Variants in CPQ observed in about 807,000 individuals in gnomAD.
CPQ encodes the protein carboxypeptidase Q.
Under a neutral mutation model 45.7 loss-of-function variants are expected in CPQ, and 37 were observed. The observed-to-expected ratio is 0.81, with a 90% confidence interval of 0.62 to 1.07. CPQ has a LOEUF of 1.07. CPQ is among the 50% of genes least tolerant of loss of function. The pLI is 0.00. For synonymous variants in CPQ, 186 were observed against 205.8 expected (o/e 0.90, Z 0.82); for missense variants, 537 against 572.9 (o/e 0.94, Z 0.64).
intron 1 of CPQ, among the ~76,000 whole-genome samples, chr8:96,656,822 T>A (rs79391364): frequency 0.052 from 7,911 of 152,248 alleles, 259 homozygotes; most frequent in Middle Eastern, 0.12. Flanking sequence ...GCACCACCAC[T>A]GGGAGGAACA....
At chr8:96,786,231 T>G (rs893715710) in intron 2 of CPQ, among the ~76,000 whole-genome samples, 1 of 152,146 alleles carries the variant, frequency 6.6e-6, no homozygotes, top group East Asian at 1.9e-4. Context: ...TCTGTCTTTA[T>G]GGATTTGCTT....
chr8:96,980,394 A>G (rs1476202169), intron 5 of CPQ, among the ~76,000 whole-genome samples: 2 of 152,170 alleles, frequency 1.3e-5, no homozygotes, highest in Non-Finnish European at 2.9e-5. Flanking sequence ...CGGCCTCCCA[A>G]AGTGCTGGGA....
intron 1 of CPQ, among the ~76,000 whole-genome samples, chr8:96,730,866 CAT>C (rs35247469): frequency 0.12 from 8,037 of 68,816 alleles, 589 homozygotes; most frequent in East Asian, 0.35. Flanking sequence ...ACCATACATA[CAT>C]ATATATATAT....
At chr8:96,876,290 C>T (rs946381177) in intron 3 of CPQ, among the ~76,000 whole-genome samples, 3 of 151,574 alleles carry the variant, frequency 2.0e-5, no homozygotes, top group Non-Finnish European at 4.4e-5. Context: ...ATTAAAAATA[C>T]ATTAATATAA....
chr8:96,710,512 C>T (rs200622231), intron 1 of CPQ, among the ~76,000 whole-genome samples: 1 of 152,236 alleles, frequency 6.6e-6, no homozygotes, highest in East Asian at 1.9e-4. Flanking sequence ...TAGCACTGCT[C>T]TTGCTGTATT....
At chr8:96,735,115 A>G (rs150410202) in intron 1 of CPQ, among the ~76,000 whole-genome samples, 4 of 151,940 alleles carry the variant, frequency 2.6e-5, no homozygotes, top group South Asian at 2.1e-4. Flanking sequence ...CAGGACCACT[A>G]TGTTTTTTTC....
At chr8:96,693,147 CAA>C (rs1809325472) in intron 1 of CPQ, among the ~76,000 whole-genome samples, 1 of 147,852 alleles carries the variant, frequency 6.8e-6, no homozygotes, top group Admixed American at 6.8e-5. Flanking sequence ...GCAAAGTAGA[CAA>C]AAGAAGAAAG....
At chr8:97,109,455 C>G (rs1811464303) in intron 7 of CPQ, among the ~76,000 whole-genome samples, 1 of 152,102 alleles carries the variant, frequency 6.6e-6, no homozygotes. Context: ...GGTTCTCATT[C>G]TTTTCTTCCC....
At chr8:97,035,898 C>T (rs962745621) in intron 6 of CPQ, among the ~76,000 whole-genome samples, 2 of 151,832 alleles carry the variant, frequency 1.3e-5, no homozygotes, top group Admixed American at 6.6e-5. Flanking sequence ...TAGTAGAGAC[C>T]GGGTTTCACC....
At chr8:96,946,189 T>C (rs1251122614) in intron 4 of CPQ, among the ~76,000 whole-genome samples, 1 of 152,168 alleles carries the variant, frequency 6.6e-6, no homozygotes, top group Non-Finnish European at 1.5e-5. Context: ...AGTAGAAAGA[T>C]AGATTTTTTT....
intron 1 of CPQ, among the ~76,000 whole-genome samples, chr8:96,784,277 A>G (rs538708330): frequency 1.3e-5 from 2 of 152,032 alleles, no homozygotes; most frequent in African/African-American, 4.8e-5. Context: ...AGTAGCTTAG[A>G]CTTTTTCCTT....
At chr8:96,841,897 A>G (rs1811617130) in intron 3 of CPQ, among the ~76,000 whole-genome samples, 1 of 152,142 alleles carries the variant, frequency 6.6e-6, no homozygotes. Flanking sequence ...AATCTCTATA[A>G]TGATACTTAA....
chr8:97,073,399 T>A (rs1023923302), intron 7 of CPQ, among the ~76,000 whole-genome samples: 3 of 152,220 alleles, frequency 2.0e-5, no homozygotes, highest in African/African-American at 7.2e-5. Context: ...CCAGATGGAA[T>A]AGCGCAGCCC....
intron 5 of CPQ, among the ~76,000 whole-genome samples, chr8:96,995,544 T>C (rs1809164888): frequency 6.6e-6 from 1 of 151,862 alleles, no homozygotes; most frequent in Admixed American, 6.6e-5. Context: ...TTGGTTTGAT[T>C]ATGCTGAGTT....
chr8:96,940,214 G>A (rs1165837357), intron 4 of CPQ, among the ~76,000 whole-genome samples: 1 of 151,798 alleles, frequency 6.6e-6, no homozygotes, highest in Non-Finnish European at 1.5e-5. Flanking sequence ...CTGCCAAATG[G>A]GCCTTTCAAT....
chr8:96,881,473 A>G (rs1812222595), intron 4 of CPQ, among the ~76,000 whole-genome samples: 2 of 152,336 alleles, frequency 1.3e-5, no homozygotes, highest in African/African-American at 2.4e-5. Flanking sequence ...AACAGCCTGT[A>G]TAATCCAATC....
chr8:96,803,197 C>T (rs1811030647), intron 2 of CPQ, among the ~76,000 whole-genome samples: 1 of 152,164 alleles, frequency 6.6e-6, no homozygotes, highest in South Asian at 2.1e-4. Flanking sequence ...GATTGATGTC[C>T]CAGTTCAAAT....
At chr8:96,997,903 G>A (rs1460466174) in intron 5 of CPQ, among the ~76,000 whole-genome samples, 1 of 151,962 alleles carries the variant, frequency 6.6e-6, no homozygotes, top group Non-Finnish European at 1.5e-5. Context: ...TGTAAAGTGA[G>A]CCATTTGTTG....
intron 6 of CPQ, among the ~76,000 whole-genome samples, chr8:97,049,382 T>A (rs1405695638): frequency 6.6e-6 from 1 of 152,238 alleles, no homozygotes; most frequent in Non-Finnish European, 1.5e-5. Flanking sequence ...GCTGCGACAG[T>A]CTGGCTTGTA....
Sources: gnomAD v4.1 joint callset for allele counts (sites outside exome capture counted in the v4.1 genomes callset) on GRCh38, gnomAD v4.1.1 for gene constraint, MANE v1.5 for transcripts, NCBI Gene and HGNC (gene_info 2026-07-23, HGNC 2026-07-21) for gene names.